CSMD1: variants seen among roughly 807,000 people sequenced by gnomAD.
CSMD1 encodes CUB and sushi domain-containing protein 1.
Under a neutral mutation model 417.5 loss-of-function variants are expected in CSMD1, and 213 were observed. That is an observed-to-expected ratio of 0.51 (90% CI 0.46 to 0.57). The LOEUF is 0.57. Ranked by LOEUF, CSMD1 falls within the 20% of genes least tolerant of loss-of-function variation. CSMD1 has a pLI of 0.00. For missense variants in CSMD1, 6,923 were observed against 4,529.7 expected, an observed-to-expected ratio of 1.53 and a Z score of -15.17; for synonymous variants, 2,862 against 1,736.8, an observed-to-expected ratio of 1.65 and a Z score of -16.11.
At chr8:3,892,052 A>G (rs1396836575) in intron 5 of CSMD1, among the ~76,000 whole-genome samples, 1 of 152,134 alleles carries the variant, frequency 6.6e-6, no homozygotes, top group Non-Finnish European at 1.5e-5. Context: ...AAGGAAAGTC[A>G]CATTTGGGTA....
chr8:3,901,119 G>C (rs1003908419), intron 5 of CSMD1, among the ~76,000 whole-genome samples: 4 of 152,116 alleles, frequency 2.6e-5, no homozygotes, highest in Non-Finnish European at 5.9e-5. Context: ...ATACTTTTGG[G>C]GGAGGGTCAT....
chr8:4,593,090 A>G (rs943317722), intron 2 of CSMD1, among the ~76,000 whole-genome samples: 2 of 152,194 alleles, frequency 1.3e-5, no homozygotes, highest in Non-Finnish European at 2.9e-5. Context: ...TGCATAATGC[A>G]TCCGGGCCAT....
intron 5 of CSMD1, among the ~76,000 whole-genome samples, chr8:3,799,059 A>C (rs899908691): frequency 1.3e-5 from 2 of 152,032 alleles, no homozygotes; most frequent in East Asian, 1.9e-4. Context: ...AGTATGCTTA[A>C]ATAATTAGAA....
At chr8:4,585,908 TG>T (rs1799676447) in intron 2 of CSMD1, among the ~76,000 whole-genome samples, 3 of 152,338 alleles carry the variant, frequency 2.0e-5, no homozygotes, top group African/African-American at 7.2e-5. Context: ...TGTAAGCTGA[TG>T]GGAAAATTAT....
rs141566187 is a variant in CSMD1, at chr8:3,694,776, G to A, written c.1009+13638C>T. 2.6e-3 allele frequency among the ~76,000 whole-genome samples: 397 copies of A among 151,756 alleles called. 1 individual carries two copies. The highest frequency in any genetic ancestry group is 8.7e-3 in the African/African-American group (361 of 41,352). On this transcript the variant is annotated intron_variant, in intron 7 of 69. Transcript: ENST00000635120. ...ACACCAAAAAAGAAGTGGAAAGAGC[G>A]GTCCAAGCAGAAGTAACAGAAAGTG...
chr8:3,557,829 T>C, intron 10 of CSMD1, among the ~76,000 whole-genome samples: 1 of 152,218 alleles, frequency 6.6e-6, no homozygotes, highest in South Asian at 2.1e-4. Flanking sequence ...AATAGCATTA[T>C]CACCCTTTAC....
chr8:4,152,362 G>C (rs924748126), intron 3 of CSMD1, among the ~76,000 whole-genome samples: 2 of 152,076 alleles, frequency 1.3e-5, no homozygotes, highest in Admixed American at 6.6e-5. Flanking sequence ...AAGCAGGAAT[G>C]CTTATGTACT....
intron 5 of CSMD1, among the ~76,000 whole-genome samples, chr8:3,829,740 T>C (rs1479115159): frequency 6.6e-6 from 1 of 152,202 alleles, no homozygotes; most frequent in Non-Finnish European, 1.5e-5. Flanking sequence ...TTCTCAAAAT[T>C]CTCATTATAC....
intron 12 of CSMD1, among the ~76,000 whole-genome samples, chr8:3,417,726 T>G (rs1813245507): frequency 6.6e-6 from 1 of 152,216 alleles, no homozygotes; most frequent in Non-Finnish European, 1.5e-5. Flanking sequence ...ATTCTCATTT[T>G]TTTTCCCTGA....
chr8:4,012,405 C>T (rs537508457), intron 4 of CSMD1, among the ~76,000 whole-genome samples: 2 of 152,150 alleles, frequency 1.3e-5, no homozygotes, highest in Admixed American at 6.5e-5. Context: ...GTTTGCGTCG[C>T]GTGGATTTAT....
At chr8:3,265,882 C>A (rs1265037653) in intron 26 of CSMD1, among the ~76,000 whole-genome samples, 1 of 151,900 alleles carries the variant, frequency 6.6e-6, no homozygotes, top group African/African-American at 2.4e-5. Flanking sequence ...GGACTGAGAT[C>A]AGCTTCTCCA....
chr8:4,452,314 TAC>T (rs1162735248), intron 2 of CSMD1, among the ~76,000 whole-genome samples: 9 of 152,228 alleles, frequency 5.9e-5, no homozygotes, highest in Non-Finnish European at 7.3e-5. Context: ...GAATTATTTC[TAC>T]AGTTTTTGAA....
rs181736951 is a variant in CSMD1 at position 3,561,978 on chromosome 8, C to A, written c.1344+12967G>T. Among the ~76,000 whole-genome samples, 1,026 of 152,170 alleles carry A rather than the reference C, an allele frequency of 6.7e-3. 13 individuals are homozygous for A. The highest frequency in any genetic ancestry group is 0.023 in the African/African-American group (963 of 41,516). On this transcript the variant is annotated intron_variant, in intron 10 of 69. Transcript: ENST00000635120. The stretch of plus-strand genomic sequence containing the variant: ...GTGCCTGTGTGCACTGCAGGGCTTG[C>A]CTTATCTGCTACGTCAGAAACTTTG...
chr8:2,981,822 A>C (rs1014227551), intron 54 of CSMD1, among the ~76,000 whole-genome samples: 3 of 152,182 alleles, frequency 2.0e-5, no homozygotes, highest in Non-Finnish European at 4.4e-5. Context: ...ATTGAACTAG[A>C]AATACATAAG....
At chr8:3,344,933 C>G (rs1807893065) in intron 22 of CSMD1, among the ~76,000 whole-genome samples, 1 of 152,258 alleles carries the variant, frequency 6.6e-6, no homozygotes, top group East Asian at 1.9e-4. Flanking sequence ...TGTGTAAAAA[C>G]CATTATTTGG....
chr8:3,167,220 G>A (rs973265796), intron 37 of CSMD1, among the ~76,000 whole-genome samples: 16 of 150,728 alleles, frequency 1.1e-4, no homozygotes, highest in African/African-American at 3.9e-4. Flanking sequence ...AGGAGGCGGA[G>A]GTTGCAGTGA....
chr8:4,039,046 CATG>C (rs1797756775), intron 3 of CSMD1, among the ~76,000 whole-genome samples: 1 of 105,898 alleles, frequency 9.4e-6, no homozygotes, highest in African/African-American at 4.5e-5. Flanking sequence ...AAAGTGAAAG[CATG>C]ATACTACAAT....
intron 2 of CSMD1, among the ~76,000 whole-genome samples, chr8:4,440,779 T>G (rs998877226): frequency 1.3e-5 from 2 of 152,058 alleles, no homozygotes; most frequent in Admixed American, 1.3e-4. Context: ...GCAGATCACC[T>G]GAGGTCAGCA....
chr8:3,507,069 A>G (rs1427670191), intron 10 of CSMD1, among the ~76,000 whole-genome samples: 1 of 152,192 alleles, frequency 6.6e-6, no homozygotes, highest in African/African-American at 2.4e-5. Context: ...GCTTGGTGTC[A>G]TGGTTACAGT....
Sources: allele counts gnomAD v4.1 joint callset (sites outside exome capture counted in the v4.1 genomes callset), GRCh38; gene constraint gnomAD v4.1.1; transcripts MANE v1.5; gene names NCBI Gene and HGNC (gene_info 2026-07-23, HGNC 2026-07-21).